POLA1: variants seen among roughly 807,000 people sequenced by gnomAD.
The protein encoded by POLA1 is DNA polymerase alpha 1, catalytic subunit, also known as DNA polymerase alpha catalytic subunit.
POLA1 carries 15 observed loss-of-function variants against 124.0 expected under a neutral mutation model. The ratio of observed to expected loss-of-function variants is 0.12; its 90% CI spans 0.08 to 0.19. The LOEUF is 0.19. Among genes scored for constraint, POLA1 ranks in the 10% least tolerant of loss-of-function variants. POLA1 has a pLI of 1.00. For synonymous variants in POLA1, 408 were observed against 389.4 expected (o/e 1.05, Z -0.56); for missense variants, 886 against 1,103.4 (o/e 0.80, Z 2.79).
At chrX:24,855,072 G>A (rs754357200) in intron 34 of POLA1, among the ~76,000 whole-genome samples, 2 of 111,295 alleles carry the variant, frequency 1.8e-5, no homozygotes, top group Non-Finnish European at 3.8e-5. Context: ...TATAAGGAAT[G>A]ATTCAGTTAT....
intron 35 of POLA1, among the ~76,000 whole-genome samples, chrX:24,894,792 T>TC (rs1228459898): frequency 6.3e-4 from 68 of 108,345 alleles, no homozygotes; most frequent in African/African-American, 2.3e-3. Flanking sequence ...TCTTTTCTTT[T>TC]TTTTTTTTTT....
intron 34 of POLA1, among the ~76,000 whole-genome samples, chrX:24,885,346 G>A (rs1397682528): frequency 9.0e-6 from 1 of 111,340 alleles, no homozygotes; most frequent in Non-Finnish European, 1.9e-5. Context: ...GTCCTGTATG[G>A]TTTGTTTCCT....
rs1186589617 is a variant in POLA1, at chrX:24,786,022, C to G, written c.2965-23876C>G. On this transcript the variant is annotated intron_variant, in intron 26 of 36. Coordinates refer to ENST00000379068, the MANE Select transcript of POLA1 (RefSeq NM_001330360.2). ...TCCTCCAGGTTCATCCATGTTGTTGCAAATGGCAGGATTTCCTTTTTTATG... is the reference window on the plus strand; with the variant it reads ...TCCTCCAGGTTCATCCATGTTGTTGGAAATGGCAGGATTTCCTTTTTTATG... Among the ~76,000 whole-genome samples the G allele has an allele frequency of 6.2e-5, 7 of 112,516 alleles. No individual in the cohort carries two copies. In the South Asian group the frequency reaches 1.1e-3, roughly 17 times the overall value.
chrX:24,862,396 A>G (rs933574140), intron 34 of POLA1, among the ~76,000 whole-genome samples: 7 of 111,886 alleles, frequency 6.3e-5, no homozygotes, highest in Admixed American at 9.5e-5. Flanking sequence ...AACCTATCCA[A>G]AAAAAGTTGC....
chrX:24,875,067 G>A (rs1397891662), intron 34 of POLA1, among the ~76,000 whole-genome samples: 1 of 110,880 alleles, frequency 9.0e-6, no homozygotes, highest in Non-Finnish European at 1.9e-5. Flanking sequence ...ACTCGTAGAT[G>A]AGCCTTTCTA....
At chrX:24,700,957 T>C (rs1323135963) in intron 2 of POLA1, among the ~76,000 whole-genome samples, 1 of 111,906 alleles carries the variant, frequency 8.9e-6, no homozygotes, top group East Asian at 2.8e-4. Context: ...AGTAATGTTG[T>C]TTTTAAAGAT....
At chrX:24,743,089 C>A (rs1215951884) in intron 22 of POLA1, 141 bp from the exon 23 acceptor site, 2 of 353,466 alleles carry the variant, frequency 5.7e-6, no homozygotes, top group East Asian at 4.5e-5. Flanking sequence ...ATTACAATAA[C>A]TGTCTTTCCC....
intron 36 of POLA1, among the ~76,000 whole-genome samples, chrX:24,950,327 A>G (rs2048019974): frequency 8.9e-6 from 1 of 111,753 alleles, no homozygotes; most frequent in Non-Finnish European, 1.9e-5. Context: ...GCTGTTGAAC[A>G]CTTGAATGTA....
intron 30 of POLA1, among the ~76,000 whole-genome samples, chrX:24,816,255 A>T (rs140105468): frequency 2.9e-3 from 324 of 112,588 alleles, no homozygotes; most frequent in African/African-American, 0.01. Flanking sequence ...TGCCAGTTTC[A>T]CCACAGTTTT....
At chrX:24,906,657 C>A (rs1263165379) in intron 35 of POLA1, among the ~76,000 whole-genome samples, 1 of 110,394 alleles carries the variant, frequency 9.1e-6, no homozygotes, top group Non-Finnish European at 1.9e-5. Context: ...ACCACCTGTA[C>A]CCCCAAAAAC....
intron 4 of POLA1, among the ~76,000 whole-genome samples, chrX:24,714,169 G>A (rs1277619391): frequency 9.0e-6 from 1 of 111,435 alleles, no homozygotes; most frequent in Non-Finnish European, 1.9e-5. Context: ...GTTTTGTTTT[G>A]TTTTTTGAGA....
At chrX:24,857,177 A>G (rs1025869732) in intron 34 of POLA1, among the ~76,000 whole-genome samples, 3 of 111,548 alleles carry the variant, frequency 2.7e-5, no homozygotes, top group African/African-American at 9.8e-5. Flanking sequence ...TTTGCTGAAA[A>G]GTCTGTCCTT....
intron 34 of POLA1, among the ~76,000 whole-genome samples, chrX:24,879,997 C>T (rs969491064): frequency 1.8e-5 from 2 of 111,496 alleles, no homozygotes; most frequent in African/African-American, 3.3e-5. Context: ...TCTTCTGATG[C>T]TCAAGCTCTG....
intron 36 of POLA1, among the ~76,000 whole-genome samples, chrX:24,986,036 G>C (rs753171516): frequency 8.1e-4 from 91 of 111,805 alleles, no homozygotes; most frequent in African/African-American, 2.9e-3. Flanking sequence ...GCTAGACGTG[G>C]TGGCACTTGC....
intron 11 of POLA1, among the ~76,000 whole-genome samples, chrX:24,723,878 A>G (rs1930362919): frequency 8.9e-6 from 1 of 112,159 alleles, no homozygotes; most frequent in African/African-American, 3.2e-5. Context: ...ACAGGGTTTC[A>G]CCATGTTGAT....
chrX:24,983,286 G>A (rs1027014518), intron 36 of POLA1, among the ~76,000 whole-genome samples: 3 of 111,911 alleles, frequency 2.7e-5, no homozygotes, highest in Admixed American at 9.5e-5. Flanking sequence ...TGGGTACATC[G>A]AATTGTAGTG....
chrX:24,862,752 A>G (rs1264783704), intron 34 of POLA1, among the ~76,000 whole-genome samples: 1 of 112,079 alleles, frequency 8.9e-6, no homozygotes, highest in African/African-American at 3.2e-5. Flanking sequence ...CAGTTTGGGC[A>G]ATTTTCTATA....
chrX:24,746,468 TA>T (rs776777659), intron 24 of POLA1, among the ~76,000 whole-genome samples: 69 of 112,138 alleles, frequency 6.2e-4, no homozygotes, highest in Non-Finnish European at 1.2e-3. Context: ...TCTGGATATA[TA>T]ATAGAATCAT....
At chrX:24,966,438 G>A (rs1022484330) in intron 36 of POLA1, among the ~76,000 whole-genome samples, 1 of 111,530 alleles carries the variant, frequency 9.0e-6, no homozygotes, top group South Asian at 3.8e-4. Context: ...CTACTATCTG[G>A]TCTCTCTTTT....
Sources: allele counts gnomAD v4.1 joint callset (sites outside exome capture counted in the v4.1 genomes callset), GRCh38; gene constraint gnomAD v4.1.1; transcripts MANE v1.5; gene names NCBI Gene and HGNC (gene_info 2026-07-23, HGNC 2026-07-21).